Variants in NAALADL2 observed in about 807,000 individuals in gnomAD.
NAALADL2 encodes inactive N-acetylated-alpha-linked acidic dipeptidase-like protein 2.
A neutral mutation model predicts 87.2 loss-of-function variants in NAALADL2; 76 were observed. The observed-to-expected ratio is 0.87, with a 90% CI of 0.72 to 1.05. The LOEUF (loss-of-function observed/expected upper bound fraction) is 1.05. Ranked by LOEUF, NAALADL2 falls within the 50% of genes least tolerant of loss-of-function variation. The pLI, the probability that NAALADL2 is intolerant of heterozygous loss-of-function variation, is 0.00. For synonymous variants in NAALADL2, 354 were observed against 331.0 expected (o/e 1.07, Z -0.75); for missense variants, 1,089 against 945.8 (o/e 1.15, Z -1.99).
chr3:175,459,761 C>G (rs920751432), intron 6 of NAALADL2, among the ~76,000 whole-genome samples: 1 of 152,056 alleles, frequency 6.6e-6, no homozygotes, highest in Admixed American at 6.6e-5. Flanking sequence ...TTGTTCAAGA[C>G]TTTTTACAAC....
intron 11 of NAALADL2, among the ~76,000 whole-genome samples, chr3:175,690,640 C>A (rs1736924321): frequency 6.6e-6 from 1 of 151,896 alleles, no homozygotes; most frequent in Non-Finnish European, 1.5e-5. Flanking sequence ...GCATTGAGGG[C>A]AGTGTCTTAA....
At chr3:174,873,432 C>G (rs185050019) in intron 1 of NAALADL2, among the ~76,000 whole-genome samples, 124 of 151,820 alleles carry the variant, frequency 8.2e-4, no homozygotes, top group Non-Finnish European at 1.5e-4. Context: ...GTTTTATATT[C>G]TTAATAGAGA....
At chr3:174,893,151 C>A (rs1388495338) in intron 1 of NAALADL2, among the ~76,000 whole-genome samples, 1 of 152,186 alleles carries the variant, frequency 6.6e-6, no homozygotes, top group East Asian at 1.9e-4. Context: ...CATGACATAT[C>A]TAAAGAGGTG....
intron 11 of NAALADL2, chr3:175,718,358 G>A (rs991347181): frequency 3.1e-6 from 5 of 1,602,496 alleles, no homozygotes; most frequent in South Asian, 1.1e-5. Context: ...GCACTGATAT[G>A]CTCTTGGGTC....
intron 11 of NAALADL2, among the ~76,000 whole-genome samples, chr3:175,730,470 G>A (rs1163594565): frequency 1.1e-4 from 15 of 130,742 alleles, no homozygotes; most frequent in East Asian, 2.4e-4. Flanking sequence ...ACACACACAC[G>A]TGTGTGTGTG....
At chr3:175,485,340 T>G (rs191094473) in intron 9 of NAALADL2, among the ~76,000 whole-genome samples, 1 of 152,182 alleles carries the variant, frequency 6.6e-6, no homozygotes, top group Non-Finnish European at 1.5e-5. Context: ...GCGACAAAAC[T>G]AATAGGATAT....
chr3:174,882,646 CATATACACAT>C (rs1729452612), intron 1 of NAALADL2, among the ~76,000 whole-genome samples: 1 of 144,180 alleles, frequency 6.9e-6, no homozygotes, highest in South Asian at 2.1e-4. Flanking sequence ...CACATATGTG[CATATACACAT>C]ATGTGCATAT....
At chr3:175,595,774 T>C (rs915421101) in intron 10 of NAALADL2, among the ~76,000 whole-genome samples, 1 of 151,996 alleles carries the variant, frequency 6.6e-6, no homozygotes, top group Non-Finnish European at 1.5e-5. Context: ...TCCATGCTCA[T>C]GATTTGGAAG....
At chr3:174,830,521 T>A (rs1427720378) in intron 3 of NAALADL2, among the ~76,000 whole-genome samples, 1 of 151,370 alleles carries the variant, frequency 6.6e-6, no homozygotes, top group Non-Finnish European at 1.5e-5. Flanking sequence ...TGTAGCCTTG[T>A]AGTATAGTTT....
intron 1 of NAALADL2, among the ~76,000 whole-genome samples, chr3:174,968,714 G>A (rs1286397846): frequency 1.3e-5 from 2 of 151,990 alleles, no homozygotes; most frequent in Non-Finnish European, 2.9e-5. Flanking sequence ...TCCTGACCTC[G>A]TGATCCGCCG....
intron 2 of NAALADL2, among the ~76,000 whole-genome samples, chr3:174,576,660 C>T (rs977037758): frequency 2.0e-5 from 3 of 152,046 alleles, no homozygotes; most frequent in Non-Finnish European, 4.4e-5. Flanking sequence ...TTAAACAAAC[C>T]CTTAGGGAAC....
intron 9 of NAALADL2, among the ~76,000 whole-genome samples, chr3:175,562,535 A>G (rs1467629690): frequency 1.3e-5 from 2 of 151,944 alleles, no homozygotes; most frequent in African/African-American, 4.8e-5. Context: ...TCACAGATTT[A>G]TCTTGATTCA....
intron 2 of NAALADL2, among the ~76,000 whole-genome samples, chr3:174,593,007 C>T (rs1055150219): frequency 1.3e-5 from 2 of 152,038 alleles, no homozygotes; most frequent in East Asian, 1.9e-4. Context: ...TCCTAGCTAT[C>T]ACTTTTCCTA....
At chr3:175,382,010 G>T (rs938427609) in intron 5 of NAALADL2, among the ~76,000 whole-genome samples, 4 of 152,164 alleles carry the variant, frequency 2.6e-5, no homozygotes, top group African/African-American at 7.2e-5. Flanking sequence ...ACTAACTGCT[G>T]TGTCTTGTCC....
At chr3:175,646,378 T>C (rs540803408) in intron 11 of NAALADL2, among the ~76,000 whole-genome samples, 65 of 152,208 alleles carry the variant, frequency 4.3e-4, no homozygotes, top group African/African-American at 1.5e-3. Context: ...TTATCTAATA[T>C]CTATTTTATA....
chr3:174,526,698 T>A (rs990964152), intron 1 of NAALADL2, among the ~76,000 whole-genome samples: 6 of 149,802 alleles, frequency 4.0e-5, no homozygotes, highest in African/African-American at 1.5e-4. Flanking sequence ...TTTTTTGAGA[T>A]GGAGTCTCAT....
chr3:175,460,481 T>C (rs765192904), intron 6 of NAALADL2, among the ~76,000 whole-genome samples: 2 of 152,176 alleles, frequency 1.3e-5, no homozygotes, highest in Admixed American at 6.6e-5. Context: ...ATAGCATTCT[T>C]CTCAGAGCAA....
intron 2 of NAALADL2, among the ~76,000 whole-genome samples, chr3:174,554,623 G>C (rs1417601414): frequency 6.6e-6 from 1 of 151,622 alleles, no homozygotes; most frequent in Non-Finnish European, 1.5e-5. Context: ...CATAGAAATA[G>C]TACTGATAAA....
At chr3:175,093,414 TTTTA>T (rs1305617631) in intron 1 of NAALADL2, among the ~76,000 whole-genome samples, 12 of 117,732 alleles carry the variant, frequency 1.0e-4, no homozygotes, top group African/African-American at 4.1e-4. Flanking sequence ...CATTTTATTT[TTTTA>T]TATATATATA....
Sources: allele counts gnomAD v4.1 joint callset (sites outside exome capture counted in the v4.1 genomes callset), GRCh38; gene constraint gnomAD v4.1.1; transcripts MANE v1.5; gene names NCBI Gene and HGNC (gene_info 2026-07-23, HGNC 2026-07-21).